Variants in MAPK10 observed in about 807,000 individuals in gnomAD.
MAPK10 encodes the protein mitogen-activated protein kinase 10.
Under a neutral mutation model 59.3 loss-of-function variants are expected in MAPK10, and 25 were observed. The observed-to-expected ratio is 0.42, with a 90% CI of 0.31 to 0.59. The LOEUF (loss-of-function observed/expected upper bound fraction) is 0.59, where lower values mean the gene tolerates loss of function less well. Ranked by LOEUF, MAPK10 falls within the 20% of genes least tolerant of loss-of-function variation. The pLI is 0.15. For missense variants in MAPK10, 351 were observed against 568.9 expected (o/e 0.62, Z 3.90); for synonymous variants, 190 against 200.5 (o/e 0.95, Z 0.44).
intron 1 of MAPK10, among the ~76,000 whole-genome samples, chr4:86,568,724 G>C (rs139890512): frequency 6.6e-6 from 1 of 152,094 alleles, no homozygotes; most frequent in Non-Finnish European, 1.5e-5. Context: ...TATGGTGCTG[G>C]GATAATTAAA....
chr4:86,492,217 G>T (rs1158001331), intron 1 of MAPK10, among the ~76,000 whole-genome samples: 1 of 152,156 alleles, frequency 6.6e-6, no homozygotes, highest in Non-Finnish European at 1.5e-5. Context: ...TTACCCAGAA[G>T]GTAGGTCTCG....
At chr4:86,054,753 T>C (rs1477565360) in intron 11 of MAPK10, among the ~76,000 whole-genome samples, 1 of 152,200 alleles carries the variant, frequency 6.6e-6, no homozygotes, top group African/African-American at 2.4e-5. Context: ...GAGTCTTCTA[T>C]GACAGATAGA....
At chr4:86,476,475 A>T (rs1466845305) in intron 1 of MAPK10, among the ~76,000 whole-genome samples, 7 of 152,052 alleles carry the variant, frequency 4.6e-5, no homozygotes. Context: ...GCTCTTTTTC[A>T]TCAAATATGA....
chr4:86,176,065 ATTC>A (rs1305864959), intron 3 of MAPK10: 2 of 152,182 alleles, frequency 1.3e-5, no homozygotes, highest in African/African-American at 4.8e-5. Context: ...CAAAGTGGAC[ATTC>A]TTCTTAACCT....
At chr4:86,499,635 C>G (rs1755152121) in intron 1 of MAPK10, among the ~76,000 whole-genome samples, 2 of 152,168 alleles carry the variant, frequency 1.3e-5, no homozygotes, top group Admixed American at 6.5e-5. Flanking sequence ...CTTGCTATAG[C>G]TAAGACAACT....
chr4:86,548,135 T>C (rs551738203), intron 1 of MAPK10, among the ~76,000 whole-genome samples: 1 of 152,214 alleles, frequency 6.6e-6, no homozygotes, highest in African/African-American at 2.4e-5. Flanking sequence ...TTATGAGCTG[T>C]AACACTCACC....
chr4:86,562,246 T>C (rs896479313), intron 1 of MAPK10, among the ~76,000 whole-genome samples: 4 of 152,100 alleles, frequency 2.6e-5, no homozygotes, highest in African/African-American at 9.7e-5. Context: ...GCCACTGCAC[T>C]CCAGCCTGGG....
chr4:86,021,959 C>A (rs539289110), intron 13 of MAPK10, among the ~76,000 whole-genome samples: 1 of 152,366 alleles, frequency 6.6e-6, no homozygotes, highest in African/African-American at 2.4e-5. Flanking sequence ...GCAAGCGCCG[C>A]ACGCGGCCCG....
Position 86,444,028 on chromosome 4 carries a change from T to TA in MAPK10, c.-122+9001_-122+9002insT, listed in dbSNP as rs1482188295. Among the ~76,000 whole-genome samples, 870 of 149,818 alleles carry TA rather than the reference T, an allele frequency of 5.8e-3. 7 individuals carry two copies. The highest frequency in any genetic ancestry group is 0.019 in the African/African-American group (777 of 40,720). On this transcript the variant is annotated intron_variant, in intron 1 of 13. Coordinates refer to the MAPK10 transcript ENST00000361569. ...GGATATGTCAATAGAAACTGAAAATTTAAAAAAAAAAAGACTGAAAAATAA... is the reference window on the plus strand; with the variant it reads ...GGATATGTCAATAGAAACTGAAAATTATAAAAAAAAAAAGACTGAAAAATAA...
intron 5 of MAPK10, among the ~76,000 whole-genome samples, chr4:86,106,296 T>C (rs2056517837): frequency 6.6e-6 from 1 of 152,084 alleles, no homozygotes; most frequent in Non-Finnish European, 1.5e-5. Context: ...GCACTGGTAA[T>C]GTGTTCTGTG....
At chr4:86,260,035 A>G (rs1017404076) in intron 2 of MAPK10, among the ~76,000 whole-genome samples, 3 of 152,228 alleles carry the variant, frequency 2.0e-5, no homozygotes, top group African/African-American at 7.2e-5. Context: ...TTTGGCTTCA[A>G]GTAAGTTAAT....
upstream of MAPK10, among the ~76,000 whole-genome samples, chr4:86,362,222 T>G (rs1241419893): frequency 2.0e-5 from 3 of 151,988 alleles, no homozygotes; most frequent in Non-Finnish European, 4.4e-5. Flanking sequence ...TAACGTAACA[T>G]GAATGAGGAA....
At chr4:86,368,050 G>A (rs1460660473) in intron 1 of MAPK10, among the ~76,000 whole-genome samples, 1 of 152,102 alleles carries the variant, frequency 6.6e-6, no homozygotes. Context: ...GTTGGAATGG[G>A]AAACACAGAG....
At chr4:86,499,204 AC>A (rs1380863764) in intron 1 of MAPK10, among the ~76,000 whole-genome samples, 1 of 152,208 alleles carries the variant, frequency 6.6e-6, no homozygotes, top group Non-Finnish European at 1.5e-5. Context: ...ACACACAGAG[AC>A]ACACACTCAT....
chr4:86,565,026 C>A (rs1244823039), intron 1 of MAPK10, among the ~76,000 whole-genome samples: 1 of 152,150 alleles, frequency 6.6e-6, no homozygotes, highest in African/African-American at 2.4e-5. Context: ...AGACTTCTTA[C>A]ATATACCACT....
intron 1 of MAPK10, among the ~76,000 whole-genome samples, chr4:86,565,976 C>T (rs1761034364): frequency 6.6e-6 from 1 of 152,192 alleles, no homozygotes; most frequent in Non-Finnish European, 1.5e-5. Flanking sequence ...TCTCTTGTAA[C>T]TTCTCCATTG....
chr4:86,318,115 A>C (rs982402077), intron 2 of MAPK10, among the ~76,000 whole-genome samples: 1 of 152,154 alleles, frequency 6.6e-6, no homozygotes, highest in Non-Finnish European at 1.5e-5. Flanking sequence ...GTAGGACCTC[A>C]TCTTAACCTG....
In MAPK10 at chr4:86,251,621, T is replaced by A. The variant is rs562428784; in HGVS notation, c.-6-57214A>T. Among the ~76,000 whole-genome samples the A allele has an allele frequency of 3.0e-4, 40 of 135,508 alleles. No individual in the cohort carries two copies. In the East Asian group the frequency reaches 6.3e-3, roughly 21 times the overall value. The allele number at this position is 135,508 out of a possible 152,430, so 88.9% of individuals were successfully genotyped here. On this transcript the variant is annotated intron_variant, in intron 2 of 13. Coordinates refer to ENST00000641462, the MANE Select transcript of MAPK10 (RefSeq NM_138982.4). The stretch of plus-strand genomic sequence containing the variant: ...TCCAAGTCTTTGCTATTGTGAATAA[T>A]GCCGCAATAAACATACATGTGCATG...
intron 11 of MAPK10, among the ~76,000 whole-genome samples, chr4:86,034,146 G>A (rs964635945): frequency 6.6e-6 from 1 of 152,176 alleles, no homozygotes; most frequent in Non-Finnish European, 1.5e-5. Context: ...AAGAGTAATT[G>A]AGATGTGAGA....
Sources: gnomAD v4.1 joint callset for allele counts (sites outside exome capture counted in the v4.1 genomes callset) on GRCh38, gnomAD v4.1.1 for gene constraint, MANE v1.5 for transcripts, NCBI Gene and HGNC (gene_info 2026-07-23, HGNC 2026-07-21) for gene names.